PACRG: variants seen among roughly 807,000 people sequenced by gnomAD.
PACRG encodes parkin coregulated, also known as parkin coregulated gene protein.
PACRG carries 29 observed loss-of-function variants against 29.7 expected under a neutral mutation model. The ratio of observed to expected loss-of-function variants is 0.98; its 90% confidence interval spans 0.73 to 1.33. PACRG has a LOEUF of 1.33. PACRG is among the 40% of genes most tolerant of loss of function. The probability of loss-of-function intolerance (pLI) is 0.00; values close to 1 mark genes in which losing one functional copy is unlikely to be tolerated. For missense variants in PACRG, 279 were observed against 316.2 expected, an observed-to-expected ratio of 0.88 and a Z score of 0.89; for synonymous variants, 116 against 118.7, an observed-to-expected ratio of 0.98 and a Z score of 0.15.
chr6:163,000,500 C>T (rs1804486819), intron 2 of PACRG, among the ~76,000 whole-genome samples: 1 of 152,092 alleles, frequency 6.6e-6, no homozygotes, highest in Non-Finnish European at 1.5e-5. Flanking sequence ...AGTGTGGTGG[C>T]ATCCTTATAG....
intron 2 of PACRG, among the ~76,000 whole-genome samples, chr6:162,899,613 G>T (rs1192605351): frequency 6.6e-6 from 1 of 152,122 alleles, no homozygotes; most frequent in Non-Finnish European, 1.5e-5. Context: ...TCTCTGTAAG[G>T]AAGGTCTTCC....
chr6:163,041,857 C>CTGTTT (rs200700379), intron 2 of PACRG, among the ~76,000 whole-genome samples: 3,785 of 152,048 alleles, frequency 0.025, 158 homozygotes, highest in African/African-American at 0.086. Flanking sequence ...CAAACATATT[C>CTGTTT]TGTTTTGTTT....
chr6:163,072,585 G>A (rs1401203379), intron 3 of PACRG, among the ~76,000 whole-genome samples: 3 of 152,060 alleles, frequency 2.0e-5, no homozygotes, highest in Non-Finnish European at 2.9e-5. Context: ...GTTATTCAAC[G>A]TAGTACTGGA....
intron 1 of PACRG, among the ~76,000 whole-genome samples, chr6:162,795,709 T>C (rs956275213): frequency 2.0e-5 from 3 of 152,246 alleles, no homozygotes; most frequent in African/African-American, 7.2e-5. Context: ...TGTGTAATGA[T>C]GTGCAATCCT....
At chr6:163,288,910 T>C (rs765752501) in intron 4 of PACRG, among the ~76,000 whole-genome samples, 12 of 152,212 alleles carry the variant, frequency 7.9e-5, no homozygotes, top group Non-Finnish European at 1.6e-4. Context: ...GAGGGACTTA[T>C]TCAGATGCGG....
At chr6:163,244,254 C>T (rs1192139353) in intron 4 of PACRG, among the ~76,000 whole-genome samples, 1 of 151,974 alleles carries the variant, frequency 6.6e-6, no homozygotes, top group Non-Finnish European at 1.5e-5. Context: ...TCTTAAGTCT[C>T]TTTCTTAATT....
chr6:162,775,833 C>G (rs1362509662), intron 1 of PACRG, among the ~76,000 whole-genome samples: 1 of 152,152 alleles, frequency 6.6e-6, no homozygotes, highest in Non-Finnish European at 1.5e-5. Context: ...TAGAAATCAC[C>G]TTGTCCACCC....
At chr6:163,093,161 G>A (rs773287422) in intron 4 of PACRG, among the ~76,000 whole-genome samples, 3 of 152,346 alleles carry the variant, frequency 2.0e-5, no homozygotes, top group South Asian at 4.1e-4. Context: ...AGGGAGCATC[G>A]TATTTACAAA....
intron 4 of PACRG, among the ~76,000 whole-genome samples, chr6:163,203,709 A>G (rs1044030178): frequency 1.3e-5 from 2 of 152,264 alleles, no homozygotes; most frequent in African/African-American, 4.8e-5. Context: ...TCACCAGCTC[A>G]TCAGAAAGGG....
At chr6:163,149,683 A>C (rs1777993728) in intron 4 of PACRG, among the ~76,000 whole-genome samples, 2 of 150,280 alleles carry the variant, frequency 1.3e-5, no homozygotes, top group South Asian at 4.2e-4. Flanking sequence ...TATCCTTCGC[A>C]CTCCAGACCC....
intron 4 of PACRG, among the ~76,000 whole-genome samples, chr6:163,156,934 T>G (rs1778346860): frequency 2.0e-5 from 3 of 152,208 alleles, no homozygotes. Context: ...ACCCAGATTA[T>G]CCAAAAGGAT....
At chr6:163,083,029 A>G (rs1279138961) in intron 3 of PACRG, among the ~76,000 whole-genome samples, 1 of 152,182 alleles carries the variant, frequency 6.6e-6, no homozygotes, top group African/African-American at 2.4e-5. Flanking sequence ...AGTTTATAAC[A>G]TGGTGTCTAT....
At chr6:163,294,617 TC>T (rs1467409417) in intron 4 of PACRG, among the ~76,000 whole-genome samples, 3 of 152,206 alleles carry the variant, frequency 2.0e-5, no homozygotes, top group Non-Finnish European at 4.4e-5. Context: ...GACAGCCATA[TC>T]CTTGCATTTA....
intron 1 of PACRG, among the ~76,000 whole-genome samples, chr6:162,780,533 A>T (rs901847355): frequency 6.6e-6 from 1 of 152,192 alleles, no homozygotes; most frequent in African/African-American, 2.4e-5. Flanking sequence ...ATTATCAGAC[A>T]TACAAAGAAG....
intron 4 of PACRG, chr6:163,313,820 T>G (rs992315431): frequency 6.6e-6 from 1 of 152,158 alleles, no homozygotes; most frequent in African/African-American, 2.4e-5. Context: ...GCTGGGAGAA[T>G]AAATGTCGTT....
At chr6:162,737,590 A>G (rs1175740801) in intron 1 of PACRG, among the ~76,000 whole-genome samples, 4 of 152,208 alleles carry the variant, frequency 2.6e-5, no homozygotes, top group Admixed American at 6.5e-5. Context: ...GAATGTCCAC[A>G]GTTTTAATTA....
intron 4 of PACRG, among the ~76,000 whole-genome samples, chr6:163,145,158 G>A (rs903168642): frequency 6.6e-6 from 1 of 152,126 alleles, no homozygotes; most frequent in African/African-American, 2.4e-5. Context: ...GTTTGATTCT[G>A]GTCTCTATCC....
chr6:162,817,797 G>T (rs1053814320), intron 2 of PACRG, among the ~76,000 whole-genome samples: 6 of 152,120 alleles, frequency 3.9e-5, no homozygotes, highest in African/African-American at 1.2e-4. Context: ...CACTGTGTTA[G>T]AATTTTTATT....
chr6:162,895,090 C>G (rs372774923), intron 2 of PACRG, among the ~76,000 whole-genome samples: 1 of 149,840 alleles, frequency 6.7e-6, no homozygotes, highest in Non-Finnish European at 1.5e-5. Flanking sequence ...GTGAGATCCC[C>G]GTCTCTACCC....
Sources: allele counts gnomAD v4.1 joint callset (sites outside exome capture counted in the v4.1 genomes callset), GRCh38; gene constraint gnomAD v4.1.1; transcripts MANE v1.5; gene names NCBI Gene and HGNC (gene_info 2026-07-23, HGNC 2026-07-21).